Variants in EIF4E3 observed in about 807,000 individuals in gnomAD.
EIF4E3 encodes eukaryotic translation initiation factor 4E type 3.
Under a neutral mutation model 31.7 loss-of-function variants are expected in EIF4E3, and 26 were observed. That is an observed-to-expected ratio of 0.82 (90% CI 0.60 to 1.14). The LOEUF (loss-of-function observed/expected upper bound fraction) is 1.14. EIF4E3 is among the 50% of genes most tolerant of loss of function. The probability of loss-of-function intolerance (pLI) is 0.00; values close to 1 mark genes in which losing one functional copy is unlikely to be tolerated. For synonymous variants in EIF4E3, 128 were observed against 107.7 expected (o/e 1.19, Z -1.17); for missense variants, 304 against 270.9 (o/e 1.12, Z -0.86).
At chr3:71,666,344 G>C in the EIF4E3 span, among the ~76,000 whole-genome samples, 1 of 152,148 alleles carries the variant, frequency 6.6e-6, no homozygotes, top group African/African-American at 2.4e-5. Context: ...AGAAAGTCTA[G>C]AAGAAATGGA....
chr3:71,737,254 G>T (rs1000991537), intron 1 of EIF4E3, among the ~76,000 whole-genome samples: 1 of 152,216 alleles, frequency 6.6e-6, no homozygotes, highest in African/African-American at 2.4e-5. Flanking sequence ...TCATCTCTAT[G>T]ATCTGGAAAA....
chr3:71,660,495 C>G, the EIF4E3 span, among the ~76,000 whole-genome samples: 1 of 152,104 alleles, frequency 6.6e-6, no homozygotes, highest in Non-Finnish European at 1.5e-5. Context: ...AAACCCGGGC[C>G]CTCTGAATGG....
chr3:71,709,375 A>G (rs2049342402), intron 2 of EIF4E3, among the ~76,000 whole-genome samples: 2 of 152,166 alleles, frequency 1.3e-5, no homozygotes, highest in African/African-American at 4.8e-5. Flanking sequence ...GATCAATTAA[A>G]TCAATCAGGT....
intron 1 of EIF4E3, among the ~76,000 whole-genome samples, chr3:71,749,891 C>T (rs905283943): frequency 2.0e-5 from 3 of 152,128 alleles, no homozygotes; most frequent in East Asian, 3.8e-4. Flanking sequence ...AAGGAAAATA[C>T]GTTGATCCTG....
intron 1 of EIF4E3, among the ~76,000 whole-genome samples, chr3:71,723,357 T>C (rs562328363): frequency 6.6e-6 from 1 of 152,370 alleles, no homozygotes; most frequent in Non-Finnish European, 1.5e-5. Context: ...TGTACAATAT[T>C]GGAACTCATT....
At chr3:71,700,141 T>C (rs964959399) in intron 2 of EIF4E3, among the ~76,000 whole-genome samples, 1 of 152,120 alleles carries the variant, frequency 6.6e-6, no homozygotes, top group Non-Finnish European at 1.5e-5. Context: ...CACCACTGTA[T>C]TCCAACTTGG....
In EIF4E3 at chr3:71,677,631, T is replaced by G. The variant is rs2048883876; in HGVS notation, c.*7051A>C. On this transcript the variant is annotated 3_prime_UTR_variant, in exon 7 of 7. Coordinates refer to ENST00000425534, the MANE Select transcript of EIF4E3 (RefSeq NM_001134651.2). ...CCTTCCTAGTGTTATGCCCTGCTCTTCAACGATTTCATTAAATTCGCTGTG... is the reference window on the plus strand; with the variant it reads ...CCTTCCTAGTGTTATGCCCTGCTCTGCAACGATTTCATTAAATTCGCTGTG... 1 of 152,220 alleles carries G rather than the reference T, an allele frequency of 6.6e-6. No individual in the cohort carries two copies. The highest frequency in any genetic ancestry group is 2.4e-5 in the African/African-American group (1 of 41,454). 9.4% of individuals were successfully genotyped at this position (152,220 alleles called of 1,614,324 possible). A position where few individuals can be genotyped will look rare whatever the true frequency, so the allele number is the denominator to read the frequency against.
At chr3:71,672,875 TAG>T (rs952395269), downstream of EIF4E3, among the ~76,000 whole-genome samples, 8 of 152,114 alleles carry the variant, frequency 5.3e-5, no homozygotes, top group African/African-American at 1.9e-4. Context: ...ATTTAAAAAA[TAG>T]AGTTATCAGG....
intron 1 of EIF4E3, among the ~76,000 whole-genome samples, chr3:71,735,353 G>A (rs1384389168): frequency 1.3e-5 from 2 of 152,148 alleles, no homozygotes; most frequent in African/African-American, 4.8e-5. Flanking sequence ...TGAATCCTAT[G>A]ATATAAATCT....
chr3:71,726,544 G>A (rs183362122), upstream of EIF4E3, among the ~76,000 whole-genome samples: 7 of 152,356 alleles, frequency 4.6e-5, no homozygotes, highest in East Asian at 1.9e-4. Flanking sequence ...AGTGAAGGGC[G>A]TGGGATGCCA....
intron 1 of EIF4E3, among the ~76,000 whole-genome samples, chr3:71,744,364 C>G (rs1023884497): frequency 6.6e-6 from 1 of 152,100 alleles, no homozygotes; most frequent in Admixed American, 6.5e-5. Context: ...GTCATAATTG[C>G]CAACCCAGTA....
chr3:71,683,220 A>G lies in EIF4E3; in HGVS notation c.*1462T>C, dbSNP rs1283301220. 6.6e-6 allele frequency: 1 copy of G among 152,236 alleles called. No individual in the cohort carries two copies. Among genetic ancestry groups the G allele is most frequent in the Admixed American group, 6.5e-5 (1 of 15,280 alleles). The allele number at this position is 152,236 out of a possible 1,614,324, so 9.4% of individuals were successfully genotyped here. A position where few individuals can be genotyped will look rare whatever the true frequency, so the allele number is the denominator to read the frequency against. On this transcript the variant is annotated 3_prime_UTR_variant, in exon 7 of 7. Transcript: ENST00000425534. ...AAAGTCCTTTAAAATGTTTGAATGG[A>G]GAATTTTATCTACAAACACATAGTG... is the stretch of plus-strand genomic sequence containing the variant.
At chr3:71,666,241 T>TA in the EIF4E3 span, among the ~76,000 whole-genome samples, 26 of 147,270 alleles carry the variant, frequency 1.8e-4, no homozygotes, top group Non-Finnish European at 5.9e-5. Flanking sequence ...CAAATAGACA[T>TA]AAAAAAAATG....
At chr3:71,743,681 A>G (rs2049843214) in intron 1 of EIF4E3, among the ~76,000 whole-genome samples, 1 of 152,158 alleles carries the variant, frequency 6.6e-6, no homozygotes, top group African/African-American at 2.4e-5. Flanking sequence ...AAGAAGAACA[A>G]TTTGGAGAAA....
chr3:71,659,591 G>A, the EIF4E3 span, among the ~76,000 whole-genome samples: 6 of 152,144 alleles, frequency 3.9e-5, no homozygotes, highest in African/African-American at 7.2e-5. Flanking sequence ...AGGAGAAAGC[G>A]TGTCAAGATC....
At chr3:71,740,721 A>C (rs1385871634) in intron 1 of EIF4E3, among the ~76,000 whole-genome samples, 1 of 152,232 alleles carries the variant, frequency 6.6e-6, no homozygotes, top group Non-Finnish European at 1.5e-5. Context: ...CGATAGAGCA[A>C]GACCCTGTCT....
At chr3:71,736,439 G>A (rs1156763086) in intron 1 of EIF4E3, among the ~76,000 whole-genome samples, 3 of 152,100 alleles carry the variant, frequency 2.0e-5, no homozygotes, top group Non-Finnish European at 4.4e-5. Flanking sequence ...GTAAACTATG[G>A]TACATCCAGA....
At chr3:71,660,313 T>C in the EIF4E3 span, among the ~76,000 whole-genome samples, 3 of 151,036 alleles carry the variant, frequency 2.0e-5, no homozygotes, top group African/African-American at 7.3e-5. Flanking sequence ...TGACCATCTG[T>C]GTATAAAAAG....
At chr3:71,747,317 C>G (rs1164316380) in intron 1 of EIF4E3, among the ~76,000 whole-genome samples, 1 of 152,188 alleles carries the variant, frequency 6.6e-6, no homozygotes, top group East Asian at 1.9e-4. Flanking sequence ...TTGATAATAG[C>G]CACTATAGTA....
Sources: allele counts gnomAD v4.1 joint callset (sites outside exome capture counted in the v4.1 genomes callset), GRCh38; gene constraint gnomAD v4.1.1; transcripts MANE v1.5; gene names NCBI Gene and HGNC (gene_info 2026-07-23, HGNC 2026-07-21).